Variants in SNX29 observed in about 807,000 individuals in gnomAD.
SNX29 encodes the protein sorting nexin-29.
In SNX29, 78 loss-of-function variants were observed where a neutral mutation model predicts 102.1. That is an observed-to-expected ratio of 0.76 (90% CI 0.64 to 0.92). The LOEUF (loss-of-function observed/expected upper bound fraction) is 0.92. SNX29 is among the 40% of genes least tolerant of loss of function. The pLI is 0.00. For synonymous variants in SNX29, 580 were observed against 414.5 expected (o/e 1.40, Z -4.85); for missense variants, 1,280 against 1,061.7 (o/e 1.21, Z -2.86).
chr16:12,031,744 G>C (rs1389302722), intron 4 of SNX29, among the ~76,000 whole-genome samples: 2 of 152,088 alleles, frequency 1.3e-5, no homozygotes, highest in Admixed American at 6.6e-5. Flanking sequence ...GGCGGAGCTT[G>C]CAGTGAGCCG....
intron 18 of SNX29, among the ~76,000 whole-genome samples, chr16:12,439,671 G>C (rs1393151605): frequency 6.6e-6 from 1 of 152,186 alleles, no homozygotes; most frequent in Non-Finnish European, 1.5e-5. Flanking sequence ...CCCACAACAT[G>C]AAGGAGTTAT....
intron 15 of SNX29, among the ~76,000 whole-genome samples, chr16:12,281,795 G>A (rs1330378918): frequency 2.0e-5 from 3 of 152,074 alleles, no homozygotes; most frequent in African/African-American, 4.8e-5. Context: ...CTGGGGCTGG[G>A]CGTGGTGGCT....
intron 19 of SNX29, among the ~76,000 whole-genome samples, chr16:12,483,113 A>ATTT (rs2088027764): frequency 3.3e-5 from 2 of 60,486 alleles, no homozygotes; most frequent in African/African-American, 7.2e-5. Flanking sequence ...GAAGTTATTA[A>ATTT]GTTTTTTTTT....
At chr16:12,438,582 G>A (rs1419172508) in intron 18 of SNX29, among the ~76,000 whole-genome samples, 2 of 152,216 alleles carry the variant, frequency 1.3e-5, no homozygotes, top group Non-Finnish European at 1.5e-5. Flanking sequence ...GCCTTGCTGG[G>A]TGCCAGGTAG....
intron 18 of SNX29, among the ~76,000 whole-genome samples, chr16:12,423,257 A>G (rs1288080249): frequency 6.6e-6 from 1 of 152,180 alleles, no homozygotes; most frequent in Non-Finnish European, 1.5e-5. Flanking sequence ...GGCCCTGGGA[A>G]AACATTCATC....
intron 14 of SNX29, among the ~76,000 whole-genome samples, chr16:12,225,364 C>T (rs971587637): frequency 2.6e-5 from 4 of 152,086 alleles, no homozygotes; most frequent in Admixed American, 6.5e-5. Flanking sequence ...GGGAGGATCC[C>T]GGTGGGAGGT....
intron 20 of SNX29, among the ~76,000 whole-genome samples, chr16:12,543,468 A>T (rs969450074): frequency 5.3e-5 from 8 of 152,238 alleles, no homozygotes; most frequent in African/African-American, 1.9e-4. Flanking sequence ...TCTGGTGAAC[A>T]GCTGTCAGTA....
intron 20 of SNX29, among the ~76,000 whole-genome samples, chr16:12,536,040 C>T (rs1201951807): frequency 6.6e-6 from 1 of 152,098 alleles, no homozygotes; most frequent in African/African-American, 2.4e-5. Flanking sequence ...ATTTGATTGC[C>T]CATGAGCTGA....
intron 14 of SNX29, among the ~76,000 whole-genome samples, chr16:12,214,252 A>C (rs1455653826): frequency 1.3e-5 from 2 of 152,254 alleles, no homozygotes; most frequent in South Asian, 4.1e-4. Context: ...AAAGACCCAG[A>C]AACACAACAG....
intron 14 of SNX29, among the ~76,000 whole-genome samples, chr16:12,210,435 C>G (rs1033617966): frequency 4.0e-5 from 6 of 151,406 alleles, no homozygotes; most frequent in Non-Finnish European, 8.8e-5. Context: ...TCAAGCAATC[C>G]CTCCTGCCTC....
chr16:11,983,788 T>C (rs2055487525), intron 1 of SNX29: 8 of 816,342 alleles, frequency 9.8e-6, no homozygotes, highest in Non-Finnish European at 1.2e-5. Flanking sequence ...TTTCTCCAAA[T>C]TGTGGCAATG....
intron 16 of SNX29, among the ~76,000 whole-genome samples, chr16:12,382,971 A>T (rs547666802): frequency 6.6e-5 from 10 of 152,062 alleles, no homozygotes; most frequent in Non-Finnish European, 1.0e-4. Context: ...ACCTTTTTCC[A>T]CATTTACAAG....
At chr16:12,417,127 G>C (rs1049430207) in intron 18 of SNX29, among the ~76,000 whole-genome samples, 3 of 152,244 alleles carry the variant, frequency 2.0e-5, no homozygotes, top group African/African-American at 7.2e-5. Flanking sequence ...ACCATTCCAT[G>C]AGACAATCAG....
At chr16:12,247,910 C>T (rs1034969092) in intron 14 of SNX29, among the ~76,000 whole-genome samples, 1 of 152,144 alleles carries the variant, frequency 6.6e-6, no homozygotes, top group Non-Finnish European at 1.5e-5. Flanking sequence ...GAAGATAATG[C>T]GTGGTGTGTT....
At chr16:12,325,683 T>C (rs758653594) in intron 15 of SNX29, among the ~76,000 whole-genome samples, 11 of 152,136 alleles carry the variant, frequency 7.2e-5, no homozygotes, top group Admixed American at 2.6e-4. Context: ...AACAAAAGAA[T>C]ATACAGAGAA....
chr16:12,568,764 T>C lies in SNX29; in HGVS notation c.*135T>C. On this transcript the variant is annotated 3_prime_UTR_variant, in exon 21 of 21. Coordinates refer to ENST00000566228, the MANE Select transcript of SNX29 (RefSeq NM_032167.5). ...CCTGAGAGCACACGATTCCCAACAG[T>C]TACACAACACCCCGATTAAACTAAT... 2 of 1,320,922 alleles carry C rather than the reference T, an allele frequency of 1.5e-6. No individual in the cohort carries two copies. The highest frequency in any genetic ancestry group is 1.5e-5 in the South Asian group (1 of 68,218). The allele number at this position is 1,320,922 out of a possible 1,614,324, so 81.8% of individuals were successfully genotyped here. A position where few individuals can be genotyped will look rare whatever the true frequency, so the allele number is the denominator to read the frequency against.
intron 16 of SNX29, among the ~76,000 whole-genome samples, chr16:12,374,151 A>C (rs1457887125): frequency 6.6e-6 from 1 of 152,228 alleles, no homozygotes; most frequent in Non-Finnish European, 1.5e-5. Context: ...CCCATTCCCC[A>C]AGATCCAGTT....
rs1209435970 is a variant in SNX29 at position 12,034,382 on chromosome 16, G to A, written c.247+6938G>A. 1.4e-4 allele frequency among the ~76,000 whole-genome samples: 21 copies of A among 152,306 alleles called. No homozygotes were observed. In the South Asian group the frequency reaches 2.7e-3, roughly 20 times the overall value. On this transcript the variant is annotated intron_variant, in intron 4 of 20. Coordinates refer to ENST00000566228, the MANE Select transcript of SNX29 (RefSeq NM_032167.5). Reference sequence around the variant, plus strand: ...CAATCAGCTGCTTTTGGTAAGGGAAGCCTTGGAAGGATGTCTGCTAAAGGT... The same window carrying A: ...CAATCAGCTGCTTTTGGTAAGGGAAACCTTGGAAGGATGTCTGCTAAAGGT...
rs2050344664 is a variant in SNX29 at position 12,052,371 on chromosome 16, C to A, written c.1124+149C>A. 12 of 771,380 alleles carry A rather than the reference C, an allele frequency of 1.6e-5. No individual in the cohort carries two copies. In the South Asian group the frequency reaches 1.9e-4, roughly 13 times the overall value. The allele number at this position is 771,380 out of a possible 1,614,324, so 47.8% of individuals were successfully genotyped here. ...AGCTGGGATTACAGGCACCTGTCAC[C>A]ACACCCAGCTAATTTTTGTATTTTT... On this transcript the variant is annotated intron_variant, in intron 8 of 20. Coordinates refer to ENST00000566228, the MANE Select transcript of SNX29 (RefSeq NM_032167.5).
Sources: gnomAD v4.1 joint callset for allele counts (sites outside exome capture counted in the v4.1 genomes callset) on GRCh38, gnomAD v4.1.1 for gene constraint, MANE v1.5 for transcripts, NCBI Gene and HGNC (gene_info 2026-07-23, HGNC 2026-07-21) for gene names.